Variants in PCDHGB4 observed in about 807,000 individuals in gnomAD.
The protein encoded by PCDHGB4 is protocadherin gamma-B4.
A neutral mutation model predicts 60.5 loss-of-function variants in PCDHGB4; 38 were observed. The observed-to-expected ratio is 0.63, with a 90% CI of 0.48 to 0.82. PCDHGB4 has a LOEUF of 0.82. Ranked by LOEUF, PCDHGB4 falls within the 40% of genes least tolerant of loss-of-function variation. The probability of loss-of-function intolerance (pLI) is 0.00; values close to 1 mark genes in which losing one functional copy is unlikely to be tolerated. For missense variants in PCDHGB4, 1,109 were observed against 1,209.6 expected, an observed-to-expected ratio of 0.92 and a Z score of 1.23; for synonymous variants, 456 against 509.7, an observed-to-expected ratio of 0.89 and a Z score of 1.42.
At chr5:141,481,913 CA>C (rs34114744) in intron 1 of PCDHGB4, among the ~76,000 whole-genome samples, 39,195 of 90,872 alleles carry the variant, frequency 0.43, 5,902 homozygotes, top group Admixed American at 0.51. Flanking sequence ...AACTCCATCT[CA>C]AAAAAAAAAA....
intron 1 of PCDHGB4, chr5:141,484,931 A>G (rs940135310): frequency 1.4e-5 from 7 of 497,998 alleles, no homozygotes; most frequent in Non-Finnish European, 2.5e-5. Flanking sequence ...TGCTGTTGGG[A>G]CGTTCTCTGC....
intron 3 of PCDHGB4, among the ~76,000 whole-genome samples, chr5:141,510,147 C>T (rs1416633745): frequency 1.3e-5 from 2 of 151,984 alleles, no homozygotes; most frequent in Non-Finnish European, 2.9e-5. Flanking sequence ...GTGGTGTGCA[C>T]CTGTAATCTC....
intron 1 of PCDHGB4, among the ~76,000 whole-genome samples, chr5:141,455,489 A>T (rs925133619): frequency 3.9e-5 from 6 of 152,152 alleles, no homozygotes; most frequent in African/African-American, 4.8e-5. Context: ...GGTGGAGGTG[A>T]TGTCTGATTT....
intron 1 of PCDHGB4, chr5:141,417,686 G>A (rs1300052006): frequency 8.4e-6 from 9 of 1,068,196 alleles, no homozygotes; most frequent in South Asian, 1.8e-5. Context: ...CAACAGAAAA[G>A]AAAACCAGCT....
chr5:141,506,444 CAAAAAAAAAAAAA>C (rs1219684339), intron 3 of PCDHGB4, among the ~76,000 whole-genome samples: 1 of 95,030 alleles, frequency 1.1e-5, no homozygotes, highest in Non-Finnish European at 2.2e-5. Context: ...CGCTCTGTCT[CAAAAAAAAAAAAA>C]AAAAAAAAGA....
intron 1 of PCDHGB4, chr5:141,428,129 C>T (rs1449809875): frequency 1.2e-6 from 2 of 1,603,336 alleles, no homozygotes; most frequent in Non-Finnish European, 1.7e-6. Context: ...CCGGGCTTTT[C>T]AGCCTGGGGC....
intron 1 of PCDHGB4, chr5:141,403,123 G>A: frequency 6.2e-7 from 1 of 1,614,066 alleles, no homozygotes; most frequent in Non-Finnish European, 8.5e-7. Context: ...TGGAGCCCCG[G>A]GAGCTGGCGG....
intron 1 of PCDHGB4, among the ~76,000 whole-genome samples, chr5:141,472,516 G>T (rs545962540): frequency 2.0e-5 from 3 of 152,072 alleles, no homozygotes; most frequent in Non-Finnish European, 4.4e-5. Flanking sequence ...CTCCAGCCTG[G>T]GTGACAGAGT....
intron 1 of PCDHGB4, chr5:141,421,722 G>C: frequency 6.2e-7 from 1 of 1,613,972 alleles, no homozygotes; most frequent in Non-Finnish European, 8.5e-7. Flanking sequence ...ATGTGGGCGT[G>C]AACTCCCTCC....
intron 3 of PCDHGB4, among the ~76,000 whole-genome samples, chr5:141,506,877 G>A (rs998146154): frequency 1.3e-5 from 2 of 152,142 alleles, no homozygotes; most frequent in Non-Finnish European, 2.9e-5. Flanking sequence ...AGAGAACCAG[G>A]TGAAATCACA....
Position 141,476,870 on chromosome 5 carries a change from C to T in PCDHGB4, c.2398-17937C>T, listed in dbSNP as rs2099400432. 3 of 1,613,772 alleles carry T rather than the reference C, an allele frequency of 1.9e-6. No individual in the cohort carries two copies. Among genetic ancestry groups the T allele is most frequent in the South Asian group, 1.1e-5 (1 of 91,094 alleles). On this transcript the variant is annotated intron_variant, in intron 1 of 3. Coordinates refer to ENST00000519479, the MANE Select transcript of PCDHGB4 (RefSeq NM_003736.4). The surrounding 1 kb of genome is among the most constrained non-coding windows in gnomAD (Gnocchi z 7.6). ...CTTCAACCAGTCCTTGTACCGGGCGCGCGTCCTGGAGGATGCACCCTCCGG... is the reference window on the plus strand; with the variant it reads ...CTTCAACCAGTCCTTGTACCGGGCGTGCGTCCTGGAGGATGCACCCTCCGG...
chr5:141,421,160 A>T, intron 1 of PCDHGB4: 1 of 1,250,104 alleles, frequency 8.0e-7, no homozygotes, highest in Non-Finnish European at 1.1e-6. Flanking sequence ...CTAGGACTTC[A>T]TAGATACATA....
chr5:141,461,647 C>T (rs1242234255), intron 1 of PCDHGB4, among the ~76,000 whole-genome samples: 3 of 152,006 alleles, frequency 2.0e-5, no homozygotes, highest in Non-Finnish European at 4.4e-5. Context: ...TTCTTTGACC[C>T]ATGGATTATT....
In PCDHGB4 at chr5:141,422,062, A is replaced by G. The variant is rs776838280; in HGVS notation, c.2397+31781A>G. The G allele has an allele frequency of 1.2e-6, 2 of 1,612,022 alleles. No individual in the cohort carries two copies. The highest frequency in any genetic ancestry group is 2.7e-5 in the African/African-American group (2 of 74,802). ...AGACGAGGGAATCAACGGGGAAGTAATGTATTCATTTCGGAACATGGAAAG... is the reference window on the plus strand; with the variant it reads ...AGACGAGGGAATCAACGGGGAAGTAGTGTATTCATTTCGGAACATGGAAAG... On this transcript the variant is annotated intron_variant, in intron 1 of 3. Transcript: ENST00000519479.
chr5:141,477,611 C>T lies in PCDHGB4; in HGVS notation c.2398-17196C>T. On this transcript the variant is annotated intron_variant, in intron 1 of 3. Coordinates refer to ENST00000519479, the MANE Select transcript of PCDHGB4 (RefSeq NM_003736.4). This position sits in a 1 kb window ranked among gnomAD's most constrained non-coding sequence, Gnocchi z 4.9. ...TCGGCTTTCTTTCTTTCTCTTGGAG[C>T]AAGGAGCTGAAACCGGGCTAGTGGG... is the stretch of plus-strand genomic sequence containing the variant. The T allele has an allele frequency of 6.2e-7, 1 of 1,614,188 alleles. No homozygotes were observed. The highest frequency in any genetic ancestry group is 8.5e-7 in the Non-Finnish European group (1 of 1,180,036).
At position 141,487,736 on chromosome 5, in the gene PCDHGB4, G is replaced by C; in HGVS notation, c.2398-7071G>C. On this transcript the variant is annotated intron_variant, in intron 1 of 3. Transcript: ENST00000519479. The surrounding 1 kb of genome is among the most constrained non-coding windows in gnomAD (Gnocchi z 5.0). Reference sequence around the variant, plus strand: ...TGCCCATAGTGATGTCACCATTTTTGTAAGAGGTAACTATGTGGTAGACGC... The same window carrying C: ...TGCCCATAGTGATGTCACCATTTTTCTAAGAGGTAACTATGTGGTAGACGC... 1 of 1,563,758 alleles carries C rather than the reference G, an allele frequency of 6.4e-7. No homozygotes were observed.
intron 1 of PCDHGB4, among the ~76,000 whole-genome samples, chr5:141,472,039 A>T (rs913132856): frequency 1.3e-5 from 2 of 152,200 alleles, no homozygotes; most frequent in Non-Finnish European, 2.9e-5. Context: ...AGCTGTGAAA[A>T]GATTTTAAAA....
intron 3 of PCDHGB4, among the ~76,000 whole-genome samples, chr5:141,509,335 G>C (rs113423267): frequency 6.6e-6 from 1 of 152,144 alleles, no homozygotes; most frequent in African/African-American, 2.4e-5. Context: ...CTGCCAGCTG[G>C]GCCTGGGCTG....
chr5:141,453,926 T>C (rs1274875429), intron 1 of PCDHGB4, among the ~76,000 whole-genome samples: 1 of 152,256 alleles, frequency 6.6e-6, no homozygotes, highest in Non-Finnish European at 1.5e-5. Flanking sequence ...GATCAGTCAC[T>C]GTGTGCCTAT....
Sources: allele counts gnomAD v4.1 joint callset (sites outside exome capture counted in the v4.1 genomes callset), GRCh38; gene constraint gnomAD v4.1.1; non-coding constraint Gnocchi (gnomAD v3.1); transcripts MANE v1.5; gene names NCBI Gene and HGNC (gene_info 2026-07-23, HGNC 2026-07-21).